The following GRM1 variants were observed in gnomAD, a reference collection of about 807,000 sequenced individuals.
The protein encoded by GRM1 is metabotropic glutamate receptor 1.
Under a neutral mutation model 90.9 loss-of-function variants are expected in GRM1, and 33 were observed. The observed-to-expected ratio is 0.36, with a 90% CI of 0.28 to 0.49. The LOEUF (loss-of-function observed/expected upper bound fraction) is 0.49, where lower values mean the gene tolerates loss of function less well. GRM1 is among the 20% of genes least tolerant of loss of function. GRM1 has a pLI of 0.99. For synonymous variants in GRM1, 700 were observed against 613.2 expected, an observed-to-expected ratio of 1.14 and a Z score of -2.09; for missense variants, 1,190 against 1,534.3, an observed-to-expected ratio of 0.78 and a Z score of 3.75.
At chr6:146,122,839 C>CTTTTTTTTTTT (rs57859188) in intron 1 of GRM1, among the ~76,000 whole-genome samples, 16 of 62,216 alleles carry the variant, frequency 2.6e-4, no homozygotes, top group Admixed American at 4.1e-4. Context: ...TCTTTTCTTT[C>CTTTTTTTTTTT]TTTTTTTTTT....
At chr6:146,121,721 T>C (rs1775995531) in intron 1 of GRM1, among the ~76,000 whole-genome samples, 1 of 152,250 alleles carries the variant, frequency 6.6e-6, no homozygotes, top group Non-Finnish European at 1.5e-5. Flanking sequence ...AGCAGGTTGT[T>C]CAGTTTCCAT....
At chr6:146,402,552 C>T (rs983042373) in intron 7 of GRM1, among the ~76,000 whole-genome samples, 2 of 152,116 alleles carry the variant, frequency 1.3e-5, no homozygotes, top group African/African-American at 4.8e-5. Flanking sequence ...CTCTAGAGAA[C>T]ACATCACCCA....
intron 6 of GRM1, among the ~76,000 whole-genome samples, chr6:146,393,903 G>T (rs2114557218): frequency 6.6e-6 from 1 of 152,210 alleles, no homozygotes; most frequent in Admixed American, 6.5e-5. Flanking sequence ...ACTTGGTACT[G>T]GTACCAAGCA....
intron 1 of GRM1, among the ~76,000 whole-genome samples, chr6:146,146,365 G>A (rs1259012112): frequency 6.6e-6 from 1 of 151,750 alleles, no homozygotes; most frequent in Non-Finnish European, 1.5e-5. Flanking sequence ...GGGATTACAG[G>A]CGTGAGCCAC....
chr6:146,132,558 T>C (rs1054425023), intron 1 of GRM1, among the ~76,000 whole-genome samples: 10 of 152,170 alleles, frequency 6.6e-5, no homozygotes, highest in Non-Finnish European at 1.2e-4. Flanking sequence ...TGTCCCACAT[T>C]TTATTGTGTA....
At chr6:146,347,664 T>C (rs980516880) in intron 3 of GRM1, among the ~76,000 whole-genome samples, 1 of 152,150 alleles carries the variant, frequency 6.6e-6, no homozygotes, top group African/African-American at 2.4e-5. Flanking sequence ...TTAAGAAAAC[T>C]AAATAAATGA....
At chr6:146,392,756 G>C (rs879192377) in intron 6 of GRM1, among the ~76,000 whole-genome samples, 2 of 152,018 alleles carry the variant, frequency 1.3e-5, no homozygotes, top group African/African-American at 2.4e-5. Flanking sequence ...TCATTGTTCA[G>C]CTCTCACTTA....
chr6:146,103,923 C>T (rs988523381), intron 1 of GRM1, among the ~76,000 whole-genome samples: 2 of 152,026 alleles, frequency 1.3e-5, no homozygotes, highest in Admixed American at 6.5e-5. Flanking sequence ...TAAAATTGCC[C>T]AGGTATCCTG....
intron 2 of GRM1, among the ~76,000 whole-genome samples, chr6:146,168,281 G>A (rs1351612753): frequency 6.6e-6 from 1 of 151,556 alleles, no homozygotes; most frequent in Admixed American, 6.6e-5. Context: ...GTTGATCTAG[G>A]GTTTAAAATA....
chr6:146,179,568 C>T lies in GRM1; in HGVS notation c.950+19971C>T, dbSNP rs557990165. The stretch of plus-strand genomic sequence containing the variant: ...TCGCTTTGTCGCCCAGGCGGGAGTG[C>T]AGTGGTGCGATCTTGGCTCACTGCA... On this transcript the variant is annotated intron_variant, in intron 2 of 7. Transcript: ENST00000282753. Among the ~76,000 whole-genome samples the T allele has an allele frequency of 2.6e-5, 4 of 152,304 alleles. No individual in the cohort carries two copies. In the East Asian group the frequency reaches 7.7e-4, roughly 29 times the overall value.
chr6:146,221,146 T>C (rs888350806), intron 2 of GRM1, among the ~76,000 whole-genome samples: 2 of 152,182 alleles, frequency 1.3e-5, no homozygotes, highest in African/African-American at 4.8e-5. Flanking sequence ...ACATCCAGTG[T>C]AGACTTAGAC....
intron 2 of GRM1, among the ~76,000 whole-genome samples, chr6:146,179,111 A>G (rs753709597): frequency 1.1e-4 from 16 of 152,186 alleles, no homozygotes; most frequent in Non-Finnish European, 1.6e-4. Context: ...ACCACTGGCG[A>G]ATCTCAAATA....
At chr6:146,361,328 T>C (rs975457467) in intron 5 of GRM1, among the ~76,000 whole-genome samples, 1 of 152,162 alleles carries the variant, frequency 6.6e-6, no homozygotes, top group African/African-American at 2.4e-5. Flanking sequence ...CTCCGAGTGC[T>C]GATAGCCAAG....
chr6:146,202,284 A>G (rs1030648681), intron 2 of GRM1, among the ~76,000 whole-genome samples: 3 of 152,212 alleles, frequency 2.0e-5, no homozygotes, highest in African/African-American at 7.2e-5. Flanking sequence ...GTAACTGGTT[A>G]GTATGGGATC....
rs1780478396 is a variant in GRM1 at position 146,232,383 on chromosome 6, T to A, written c.951-72228T>A. On this transcript the variant is annotated intron_variant, in intron 2 of 7. Transcript: ENST00000282753. Reference sequence around the variant, plus strand: ...AATCTCCCCTTGTTTTTAATTTTTTTAAATTTTTAACTTTTGTGGGTACAT... The same window carrying A: ...AATCTCCCCTTGTTTTTAATTTTTTAAAATTTTTAACTTTTGTGGGTACAT... Among the ~76,000 whole-genome samples, 4 of 152,072 alleles carry A rather than the reference T, an allele frequency of 2.6e-5. No homozygotes were observed. In the South Asian group the frequency reaches 6.2e-4, roughly 24 times the overall value.
At chr6:146,259,958 T>TTA (rs560018959) in intron 2 of GRM1, among the ~76,000 whole-genome samples, 3,427 of 147,606 alleles carry the variant, frequency 0.023, 49 homozygotes, top group African/African-American at 0.041. Flanking sequence ...CAATACTTAT[T>TTA]TATATATATA....
chr6:146,141,618 G>A (rs750452188), intron 1 of GRM1, among the ~76,000 whole-genome samples: 21 of 151,946 alleles, frequency 1.4e-4, no homozygotes, highest in African/African-American at 4.4e-4. Context: ...CAAATAATCC[G>A]TCTTCAAGCT....
intron 7 of GRM1, among the ~76,000 whole-genome samples, chr6:146,428,025 G>T (rs867435520): frequency 6.6e-6 from 1 of 152,184 alleles, no homozygotes. Context: ...GCTGAATGTG[G>T]TACATCCCTG....
chr6:146,402,474 C>G (rs1021365727), intron 7 of GRM1, among the ~76,000 whole-genome samples: 9 of 152,098 alleles, frequency 5.9e-5, no homozygotes, highest in African/African-American at 2.2e-4. Flanking sequence ...AAAGCACAAA[C>G]AGTCTAATAT....
Sources: allele counts gnomAD v4.1 joint callset (sites outside exome capture counted in the v4.1 genomes callset), GRCh38; gene constraint gnomAD v4.1.1; transcripts MANE v1.5; gene names NCBI Gene and HGNC (gene_info 2026-07-23, HGNC 2026-07-21).